The following CERS6 variants were observed in gnomAD, a reference collection of about 807,000 sequenced individuals.
CERS6 encodes the protein LAG1 homolog, ceramide synthase 6.
CERS6 carries 26 observed loss-of-function variants against 56.8 expected under a neutral mutation model. The ratio of observed to expected loss-of-function variants is 0.46; its 90% CI spans 0.34 to 0.63. CERS6 has a LOEUF of 0.63. CERS6 is among the 30% of genes least tolerant of loss of function. CERS6 has a pLI of 0.01. For synonymous variants in CERS6, 164 were observed against 173.3 expected (o/e 0.95, Z 0.42); for missense variants, 415 against 467.5 (o/e 0.89, Z 1.04).
chr2:168,575,246 G>A (rs756609210), intron 3 of CERS6, among the ~76,000 whole-genome samples: 13 of 152,116 alleles, frequency 8.5e-5, no homozygotes, highest in South Asian at 2.1e-4. Context: ...GTATTAGTCC[G>A]TTTTCACACT....
At chr2:168,519,452 G>A (rs1284514583) in intron 1 of CERS6, among the ~76,000 whole-genome samples, 1 of 152,080 alleles carries the variant, frequency 6.6e-6, no homozygotes, top group Non-Finnish European at 1.5e-5. Context: ...TGAGGTTTGG[G>A]TTTCTAATGA....
Position 168,619,180 on chromosome 2 carries a change from A to C in CERS6, c.408-11805A>C, listed in dbSNP as rs188598192. Among the ~76,000 whole-genome samples, 4 of 152,332 alleles carry C rather than the reference A, an allele frequency of 2.6e-5. No individual in the cohort carries two copies. The East Asian group carries it at 7.7e-4, about 29-fold the overall frequency. On this transcript the variant is annotated intron_variant, in intron 3 of 9. Transcript: ENST00000305747. ...GCCACATGTAGGAGAATGAAACTGG[A>C]TCCTCATCTCTCATCTACAAAACTC...
intron 4 of CERS6, among the ~76,000 whole-genome samples, chr2:168,667,986 G>A (rs1685807159): frequency 6.6e-6 from 1 of 152,208 alleles, no homozygotes. Context: ...CAGAGACAGA[G>A]ATGTTAACAG....
chr2:168,493,936 A>C (rs1694417823), intron 1 of CERS6, among the ~76,000 whole-genome samples: 1 of 152,076 alleles, frequency 6.6e-6, no homozygotes, highest in Non-Finnish European at 1.5e-5. Context: ...GTTTTTTCTA[A>C]CAGCCAGACT....
intron 1 of CERS6, among the ~76,000 whole-genome samples, chr2:168,503,924 T>C (rs558248177): frequency 6.6e-6 from 1 of 152,274 alleles, no homozygotes; most frequent in South Asian, 2.1e-4. Flanking sequence ...CTAAGCTGTT[T>C]CTTAGGGGTC....
intron 8 of CERS6, among the ~76,000 whole-genome samples, chr2:168,721,565 T>G (rs1319715460): frequency 4.0e-5 from 1 of 24,904 alleles, no homozygotes; most frequent in African/African-American, 1.3e-4. Context: ...TTTTTTTTTT[T>G]GTTTAAAAAA....
At chr2:168,729,497 C>G (rs767490495) in intron 8 of CERS6, among the ~76,000 whole-genome samples, 1 of 152,218 alleles carries the variant, frequency 6.6e-6, no homozygotes, top group Non-Finnish European at 1.5e-5. Context: ...TTCCTCCCAA[C>G]TGTCCTAAGC....
chr2:168,549,965 G>A (rs1238433980), intron 2 of CERS6, among the ~76,000 whole-genome samples: 1 of 152,076 alleles, frequency 6.6e-6, no homozygotes, highest in Non-Finnish European at 1.5e-5. Flanking sequence ...CCTTTTTGTA[G>A]AAGGGCATGA....
At chr2:168,480,711 T>C (rs772509991) in intron 1 of CERS6, among the ~76,000 whole-genome samples, 85 of 152,312 alleles carry the variant, frequency 5.6e-4, no homozygotes, top group Non-Finnish European at 8.5e-4. Flanking sequence ...GGAATAGAAA[T>C]GCTTTTGAAC....
chr2:168,712,119 A>G (rs956334444), intron 6 of CERS6, among the ~76,000 whole-genome samples: 9 of 152,310 alleles, frequency 5.9e-5, no homozygotes, highest in East Asian at 3.9e-4. Flanking sequence ...CATGAGAGCT[A>G]AAGGGTTACA....
chr2:168,722,583 A>C (rs1683214885), intron 8 of CERS6, among the ~76,000 whole-genome samples: 1 of 152,178 alleles, frequency 6.6e-6, no homozygotes, highest in South Asian at 2.1e-4. Flanking sequence ...CTAACGAAGC[A>C]AACTTGTGTT....
intron 3 of CERS6, among the ~76,000 whole-genome samples, chr2:168,619,656 G>GAT (rs1388399388): frequency 6.6e-6 from 1 of 151,974 alleles, no homozygotes; most frequent in East Asian, 1.9e-4. Flanking sequence ...ACCACAATGT[G>GAT]ATACCACCTT....
intron 1 of CERS6, among the ~76,000 whole-genome samples, chr2:168,465,002 C>T (rs1270743130): frequency 6.6e-6 from 1 of 152,112 alleles, no homozygotes; most frequent in Non-Finnish European, 1.5e-5. Context: ...ATAGAATTGC[C>T]ATATGATACA....
At chr2:168,561,162 A>G (rs777345252) in intron 2 of CERS6, 30 bp from the exon 3 acceptor site, 1 of 1,612,178 alleles carries the variant, frequency 6.2e-7, no homozygotes. Flanking sequence ...AATGGATTGA[A>G]AATTATTTTT....
chr2:168,715,879 A>T (rs1013232597), intron 7 of CERS6, among the ~76,000 whole-genome samples: 1 of 152,140 alleles, frequency 6.6e-6, no homozygotes, highest in Non-Finnish European at 1.5e-5. Flanking sequence ...TTATAAGAGT[A>T]CAAAGCCTAT....
chr2:168,767,635 G>A (rs1018077489), intron 9 of CERS6, among the ~76,000 whole-genome samples: 1 of 152,176 alleles, frequency 6.6e-6, no homozygotes, highest in African/African-American at 2.4e-5. Context: ...TTGGCATAAA[G>A]CAGTAGTTCT....
At chr2:168,707,815 C>T (rs116203820) in intron 6 of CERS6, among the ~76,000 whole-genome samples, 10 of 152,210 alleles carry the variant, frequency 6.6e-5, no homozygotes, top group Non-Finnish European at 8.8e-5. Context: ...AGACCCTACA[C>T]AATTTTTTAG....
At chr2:168,504,153 G>A (rs920297696) in intron 1 of CERS6, among the ~76,000 whole-genome samples, 4 of 152,182 alleles carry the variant, frequency 2.6e-5, no homozygotes, top group East Asian at 1.9e-4. Flanking sequence ...GCTCATGCCT[G>A]TAATCCCAGC....
chr2:168,573,247 C>T (rs1268033370), intron 3 of CERS6, among the ~76,000 whole-genome samples: 12 of 152,152 alleles, frequency 7.9e-5, no homozygotes, highest in Non-Finnish European at 1.8e-4. Flanking sequence ...AAAGAGGAAT[C>T]AGGCACAATA....
Sources: gnomAD v4.1 joint callset for allele counts (sites outside exome capture counted in the v4.1 genomes callset) on GRCh38, gnomAD v4.1.1 for gene constraint, MANE v1.5 for transcripts, NCBI Gene and HGNC (gene_info 2026-07-23, HGNC 2026-07-21) for gene names.